Variants in AFTPH observed in about 807,000 individuals in gnomAD.
The protein encoded by AFTPH is aftiphilin protein.
Under a neutral mutation model 72.5 loss-of-function variants are expected in AFTPH, and 7 were observed. That is an observed-to-expected ratio of 0.10 (90% CI 0.05 to 0.18). The LOEUF (loss-of-function observed/expected upper bound fraction) is 0.18. Ranked by LOEUF, AFTPH falls within the 10% of genes least tolerant of loss-of-function variation. AFTPH has a pLI of 1.00. For missense variants in AFTPH, 979 were observed against 1,060.5 expected, an observed-to-expected ratio of 0.92 and a Z score of 1.07; for synonymous variants, 337 against 370.1, an observed-to-expected ratio of 0.91 and a Z score of 1.03.
chr2:64,584,981 T>G (rs1393862030), intron 7 of AFTPH, among the ~76,000 whole-genome samples: 1 of 151,962 alleles, frequency 6.6e-6, no homozygotes, highest in Non-Finnish European at 1.5e-5. Flanking sequence ...TGGAAGAAAA[T>G]AGAGAAAAAA....
At chr2:64,526,542 T>C (rs78054499) in intron 1 of AFTPH, among the ~76,000 whole-genome samples, 9,826 of 152,304 alleles carry the variant, frequency 0.065, 437 homozygotes, top group Non-Finnish European at 0.099. Flanking sequence ...TAAAGGTTTT[T>C]CCCTCTATTC....
chr2:64,539,582 A>G (rs1670097791), intron 1 of AFTPH, among the ~76,000 whole-genome samples: 1 of 152,182 alleles, frequency 6.6e-6, no homozygotes, highest in South Asian at 2.1e-4. Flanking sequence ...GGTTATAGAA[A>G]TCTAATTGGA....
chr2:64,569,299 T>C lies in AFTPH; in HGVS notation c.2214+81T>C, dbSNP rs1672275960. On this transcript the variant is annotated intron_variant, in intron 4 of 8. Transcript: ENST00000238856. The stretch of plus-strand genomic sequence containing the variant: ...TTCTGTCATACTTCTGTTTAAGCTG[T>C]GGTAAGCTAGTTCCTCAGAAAATAA... 2.0e-6 allele frequency: 3 copies of C among 1,491,540 alleles called. No individual in the cohort carries two copies. In the South Asian group the frequency reaches 4.0e-5, roughly 20 times the overall value. The allele number at this position is 1,491,540 out of a possible 1,614,324, so 92.4% of individuals were successfully genotyped here.
intron 7 of AFTPH, among the ~76,000 whole-genome samples, chr2:64,584,839 G>GCCCGCCTCCTGACCTCATGATCCA (rs1673414219): frequency 6.6e-6 from 1 of 152,024 alleles, no homozygotes; most frequent in Admixed American, 6.5e-5. Flanking sequence ...TTTGTGATCT[G>GCCCGCCTCCTGACCTCATGATCCA]CCCGCCTCGG....
intron 5 of AFTPH, among the ~76,000 whole-genome samples, chr2:64,570,886 G>T (rs1208700758): frequency 6.9e-6 from 1 of 144,488 alleles, no homozygotes. Flanking sequence ...CTATTTCTAT[G>T]GACTTTTTTT....
chr2:64,561,414 C>A (rs1354888016), intron 2 of AFTPH, among the ~76,000 whole-genome samples: 1 of 152,164 alleles, frequency 6.6e-6, no homozygotes, highest in Non-Finnish European at 1.5e-5. Flanking sequence ...TGGTGGCCCA[C>A]ATGTGAAATC....
intron 7 of AFTPH, among the ~76,000 whole-genome samples, chr2:64,583,347 A>C (rs1673322834): frequency 6.6e-6 from 1 of 151,688 alleles, no homozygotes; most frequent in Non-Finnish European, 1.5e-5. Flanking sequence ...CCATTAAAAA[A>C]ATTACTCTCC....
At chr2:64,592,584 T>A (rs900384751) in exon 9 of AFTPH, 1 of 150,022 alleles carries the variant, frequency 6.7e-6, no homozygotes, top group East Asian at 2.0e-4. Context: ...CGTATTGCTG[T>A]TTGACCTTTT....
chr2:64,561,895 T>G lies in AFTPH; in HGVS notation c.1936-5667T>G, dbSNP rs1371856690. ...ATGAAATCATTTGCTTTAAGCATAGTTATCACCGCACCATTTAACAGGTAA... is the reference window on the plus strand; with the variant it reads ...ATGAAATCATTTGCTTTAAGCATAGGTATCACCGCACCATTTAACAGGTAA... On this transcript the variant is annotated intron_variant, in intron 2 of 8. Coordinates refer to ENST00000238856, the Ensembl canonical transcript of AFTPH. Among the ~76,000 whole-genome samples the G allele has an allele frequency of 2.0e-5, 3 of 152,324 alleles. No individual in the cohort carries two copies. In the South Asian group the frequency reaches 6.2e-4, roughly 32 times the overall value.
intron 3 of AFTPH, among the ~76,000 whole-genome samples, chr2:64,568,841 AC>A (rs774966139): frequency 1.6e-4 from 25 of 152,114 alleles, no homozygotes; most frequent in Non-Finnish European, 2.6e-4. Context: ...AGAACTGCTG[AC>A]CTCAGGTGAT....
At chr2:64,543,349 ATTC>A (rs1670374161) in intron 1 of AFTPH, among the ~76,000 whole-genome samples, 1 of 152,258 alleles carries the variant, frequency 6.6e-6, no homozygotes, top group African/African-American at 2.4e-5. Flanking sequence ...ACTCTATGGT[ATTC>A]TTTTGATGAA....
intron 8 of AFTPH, among the ~76,000 whole-genome samples, chr2:64,587,486 CTTATT>C (rs1673585181): frequency 6.6e-6 from 1 of 152,216 alleles, no homozygotes; most frequent in Non-Finnish European, 1.5e-5. Context: ...TTTTTAGTAT[CTTATT>C]TTTAGGTTTT....
chr2:64,534,276 A>G (rs970005391), intron 1 of AFTPH, among the ~76,000 whole-genome samples: 4 of 152,186 alleles, frequency 2.6e-5, no homozygotes, highest in East Asian at 1.9e-4. Flanking sequence ...TTTAGTGGCT[A>G]TTTATAAAAA....
intron 7 of AFTPH, among the ~76,000 whole-genome samples, chr2:64,582,024 A>G (rs1342046116): frequency 1.3e-5 from 2 of 152,262 alleles, no homozygotes; most frequent in Non-Finnish European, 2.9e-5. Context: ...CTAACTGAAT[A>G]AAAGATTAAA....
At chr2:64,575,478 A>C (rs1349031514) in intron 6 of AFTPH, among the ~76,000 whole-genome samples, 1 of 152,066 alleles carries the variant, frequency 6.6e-6, no homozygotes, top group East Asian at 1.9e-4. Flanking sequence ...TTAGCCAGGC[A>C]TGATGGCATG....
intron 1 of AFTPH, among the ~76,000 whole-genome samples, chr2:64,538,742 G>A (rs947326997): frequency 6.6e-6 from 1 of 152,158 alleles, no homozygotes; most frequent in African/African-American, 2.4e-5. Flanking sequence ...TGTTACTTAG[G>A]TCATATTTTA....
At chr2:64,544,314 T>C (rs185886912) in intron 1 of AFTPH, among the ~76,000 whole-genome samples, 3 of 152,304 alleles carry the variant, frequency 2.0e-5, no homozygotes, top group Admixed American at 2.0e-4. Context: ...GTCAACTGTT[T>C]TTGTATACAG....
intron 2 of AFTPH, among the ~76,000 whole-genome samples, chr2:64,559,840 G>C (rs1174933259): frequency 6.6e-6 from 1 of 152,094 alleles, no homozygotes; most frequent in Non-Finnish European, 1.5e-5. Flanking sequence ...TAGTAGCTGA[G>C]ACTACAGGTG....
At chr2:64,544,093 C>T (rs1425511922) in intron 1 of AFTPH, among the ~76,000 whole-genome samples, 1 of 152,186 alleles carries the variant, frequency 6.6e-6, no homozygotes, top group African/African-American at 2.4e-5. Context: ...CCAAAACCCT[C>T]TGATTTTCCT....
Sources: gnomAD v4.1 joint callset for allele counts (sites outside exome capture counted in the v4.1 genomes callset) on GRCh38, gnomAD v4.1.1 for gene constraint, MANE v1.5 for transcripts, NCBI Gene and HGNC (gene_info 2026-07-23, HGNC 2026-07-21) for gene names.